The following IQSEC1 variants were observed in gnomAD, a reference collection of about 807,000 sequenced individuals.
IQSEC1 encodes IQ motif and Sec7 domain ArfGEF 1.
IQSEC1 carries 31 observed loss-of-function variants against 91.0 expected under a neutral mutation model. The ratio of observed to expected loss-of-function variants is 0.34; its 90% CI spans 0.26 to 0.46. The LOEUF is 0.46. Among genes scored for constraint, IQSEC1 ranks in the 20% least tolerant of loss-of-function variants. The probability of loss-of-function intolerance (pLI) is 1.00; values close to 1 mark genes in which losing one functional copy is unlikely to be tolerated. For missense variants in IQSEC1, 1,388 were observed against 1,575.6 expected, an observed-to-expected ratio of 0.88 and a Z score of 2.02; for synonymous variants, 699 against 662.6, an observed-to-expected ratio of 1.05 and a Z score of -0.84.
At chr3:13,111,228 G>A (rs1706239640) in intron 2 of IQSEC1, among the ~76,000 whole-genome samples, 2 of 152,108 alleles carry the variant, frequency 1.3e-5, no homozygotes, top group Non-Finnish European at 2.9e-5. Flanking sequence ...GTGTGCCCAG[G>A]GCTCACCACA....
At chr3:13,023,537 G>A (rs1043314308) in intron 1 of IQSEC1, among the ~76,000 whole-genome samples, 6 of 152,074 alleles carry the variant, frequency 3.9e-5, no homozygotes, top group African/African-American at 1.4e-4. Flanking sequence ...CCATTTCACC[G>A]GGGGAAACTG....
At chr3:13,145,151 C>T (rs1706868302) in intron 2 of IQSEC1, among the ~76,000 whole-genome samples, 1 of 152,198 alleles carries the variant, frequency 6.6e-6, no homozygotes, top group South Asian at 2.1e-4. Context: ...TGAGTAACCA[C>T]GCCTCAACGG....
At chr3:13,166,449 G>A (rs1265100546) in intron 1 of IQSEC1, among the ~76,000 whole-genome samples, 4 of 152,186 alleles carry the variant, frequency 2.6e-5, no homozygotes, top group African/African-American at 9.7e-5. Context: ...GGACGCCAGG[G>A]GACAAGCACT....
At chr3:13,050,661 T>G (rs1704660595) in intron 1 of IQSEC1, among the ~76,000 whole-genome samples, 2 of 152,218 alleles carry the variant, frequency 1.3e-5, no homozygotes, top group African/African-American at 4.8e-5. Context: ...GCAAGTTAAC[T>G]AACCTCTCTG....
intron 1 of IQSEC1, among the ~76,000 whole-genome samples, chr3:13,203,891 G>A (rs768738394): frequency 1.3e-5 from 2 of 152,212 alleles, no homozygotes; most frequent in Non-Finnish European, 2.9e-5. Context: ...GTGAACAGAC[G>A]GAGGCTTGGG....
chr3:13,048,578 C>G (rs1288752958), intron 1 of IQSEC1, among the ~76,000 whole-genome samples: 1 of 152,224 alleles, frequency 6.6e-6, no homozygotes, highest in Non-Finnish European at 1.5e-5. Flanking sequence ...TGGGCCCAAG[C>G]TGGGTGCCTG....
rs932109087 is a variant in IQSEC1, at chr3:12,899,580, G to A, written c.*1403C>T. The A allele has an allele frequency of 2.0e-6, 3 of 1,475,948 alleles. No individual in the cohort carries two copies. In the East Asian group the frequency reaches 7.6e-5, roughly 37 times the overall value. The allele number at this position is 1,475,948 out of a possible 1,614,324, so 91.4% of individuals were successfully genotyped here. On this transcript the variant is annotated 3_prime_UTR_variant, in exon 14 of 14. Transcript: ENST00000613206. Reference sequence around the variant, plus strand: ...ATGCCCTGGCAGCTCACTGGACCATGGGAAGGCAGCGGGGGCTCCGCCGGG... The same window carrying A: ...ATGCCCTGGCAGCTCACTGGACCATAGGAAGGCAGCGGGGGCTCCGCCGGG...
At chr3:13,133,102 G>A (rs1236917095) in intron 2 of IQSEC1, among the ~76,000 whole-genome samples, 1 of 152,260 alleles carries the variant, frequency 6.6e-6, no homozygotes, top group African/African-American at 2.4e-5. Flanking sequence ...AGAGGGGCAG[G>A]AGCAGTGGAG....
At chr3:12,939,246 G>T (rs1006500347) in intron 2 of IQSEC1, among the ~76,000 whole-genome samples, 11 of 152,226 alleles carry the variant, frequency 7.2e-5, no homozygotes, top group Non-Finnish European at 2.9e-5. Flanking sequence ...CGTGGCCAGG[G>T]CTCCCCCATC....
At chr3:12,919,153 ATGTTGTACCATCAAAG>A (rs1451897878) in intron 6 of IQSEC1, among the ~76,000 whole-genome samples, 1 of 152,164 alleles carries the variant, frequency 6.6e-6, no homozygotes. Flanking sequence ...CTGGGAGTAC[ATGTTGTACCATCAAAG>A]TGTCCACTGG....
intron 2 of IQSEC1, among the ~76,000 whole-genome samples, chr3:13,143,191 C>G (rs573996553): frequency 3.3e-5 from 5 of 152,236 alleles, no homozygotes; most frequent in Non-Finnish European, 7.3e-5. Flanking sequence ...CACCTAATGA[C>G]AGGCTGGCAC....
chr3:13,026,208 A>C (rs534013577), intron 1 of IQSEC1, among the ~76,000 whole-genome samples: 1 of 152,162 alleles, frequency 6.6e-6, no homozygotes, highest in Non-Finnish European at 1.5e-5. Flanking sequence ...GTTTGCACCC[A>C]GGTCTCTCTC....
chr3:13,263,101 T>C (rs1695416788), intron 1 of IQSEC1, among the ~76,000 whole-genome samples: 1 of 151,972 alleles, frequency 6.6e-6, no homozygotes, highest in African/African-American at 2.4e-5. Flanking sequence ...TATACAGAAA[T>C]TAACTGGGTG....
At chr3:13,012,636 G>A (rs775488219) in intron 1 of IQSEC1, among the ~76,000 whole-genome samples, 4 of 152,202 alleles carry the variant, frequency 2.6e-5, no homozygotes, top group Non-Finnish European at 4.4e-5. Context: ...GCTACATGCC[G>A]GGCACAGAGC....
rs11706475 is a variant in IQSEC1, at chr3:12,970,314, G to C, written c.24-28449C>G. On this transcript the variant is annotated intron_variant, in intron 1 of 13. Transcript: ENST00000613206. The surrounding 1 kb of genome is among the most constrained non-coding windows in gnomAD (Gnocchi z 4.4). ...TTTGGGTTGGACCTTGAGGGATGAG[G>C]AGGGCCCCATGTATGGGGTCACAGG... 0.027 allele frequency among the ~76,000 whole-genome samples: 4,089 copies of C among 152,244 alleles called. 71 individuals are homozygous for C. The highest frequency in any genetic ancestry group is 0.04 in the Non-Finnish European group (2,739 of 68,004).
At chr3:13,047,439 A>G (rs1205273687) in intron 1 of IQSEC1, 3 of 978,930 alleles carry the variant, frequency 3.1e-6, no homozygotes, top group Non-Finnish European at 3.6e-6. Context: ...GGACCTAAGG[A>G]GATCCTGGGG....
chr3:12,978,955 G>T (rs929114504), intron 1 of IQSEC1, among the ~76,000 whole-genome samples: 7 of 152,168 alleles, frequency 4.6e-5, no homozygotes, highest in African/African-American at 1.7e-4. Context: ...GCAAAGGCTT[G>T]GTTAACTTGG....
chr3:13,147,661 C>T (rs1473804299), intron 2 of IQSEC1, among the ~76,000 whole-genome samples: 1 of 152,182 alleles, frequency 6.6e-6, no homozygotes, highest in Non-Finnish European at 1.5e-5. Flanking sequence ...GAGACAGAGT[C>T]TCACTCTATT....
In IQSEC1 at chr3:12,940,362, G is replaced by C. The variant is rs368925086; in HGVS notation, c.318+1209C>G. On this transcript the variant is annotated intron_variant, in intron 2 of 13. Transcript: ENST00000613206. The surrounding 1 kb of genome is among the most constrained non-coding windows in gnomAD (Gnocchi z 4.4). ...AACTCTACTCCTTAAAGGACAAAAAGGGGAGCAACTTGAATCTATACTCCC... is the reference window on the plus strand; with the variant it reads ...AACTCTACTCCTTAAAGGACAAAAACGGGAGCAACTTGAATCTATACTCCC... 1.3e-5 allele frequency among the ~76,000 whole-genome samples: 2 copies of C among 152,006 alleles called. No individual in the cohort carries two copies. Among genetic ancestry groups the C allele is most frequent in the Non-Finnish European group, 2.9e-5 (2 of 67,994 alleles).
Sources: allele counts gnomAD v4.1 joint callset (sites outside exome capture counted in the v4.1 genomes callset), GRCh38; gene constraint gnomAD v4.1.1; non-coding constraint Gnocchi (gnomAD v3.1); transcripts MANE v1.5; gene names NCBI Gene and HGNC (gene_info 2026-07-23, HGNC 2026-07-21).